The following LRBA variants were observed in gnomAD, a reference collection of about 807,000 sequenced individuals.
The protein encoded by LRBA is LPS responsive beige-like anchor protein, also known as lipopolysaccharide-responsive and beige-like anchor protein.
LRBA carries 176 observed loss-of-function variants against 330.0 expected under a neutral mutation model. That is an observed-to-expected ratio of 0.53 (90% confidence interval 0.47 to 0.60). The LOEUF is 0.60. Ranked by LOEUF, LRBA falls within the 20% of genes least tolerant of loss-of-function variation. LRBA has a pLI of 0.00. For missense variants in LRBA, 3,259 were observed against 3,444.8 expected, an observed-to-expected ratio of 0.95 and a Z score of 1.35; for synonymous variants, 1,230 against 1,193.0, an observed-to-expected ratio of 1.03 and a Z score of -0.64.
At chr4:150,520,311 T>C (rs184102555) in intron 40 of LRBA, among the ~76,000 whole-genome samples, 212 of 152,256 alleles carry the variant, frequency 1.4e-3, no homozygotes, top group African/African-American at 4.8e-3. Context: ...ATAGATAAAT[T>C]TGGGGAGAAA....
At chr4:150,906,265 G>T in intron 12 of LRBA, 32 bp downstream of exon 12, 1 of 1,349,290 alleles carries the variant, frequency 7.4e-7, no homozygotes, top group South Asian at 1.2e-5. Flanking sequence ...TGTAAATTAA[G>T]AATCAAAAAC....
chr4:150,531,604 T>C (rs1764062236), intron 40 of LRBA, among the ~76,000 whole-genome samples: 1 of 152,200 alleles, frequency 6.6e-6, no homozygotes, highest in African/African-American at 2.4e-5. Flanking sequence ...TAGAATAAAT[T>C]TTCTAGCATG....
intron 2 of LRBA, among the ~76,000 whole-genome samples, chr4:150,982,055 G>C (rs563811789): frequency 6.6e-6 from 1 of 150,930 alleles, no homozygotes; most frequent in Non-Finnish European, 1.5e-5. Context: ...TCTTACAATA[G>C]CATCTTATGG....
intron 2 of LRBA, among the ~76,000 whole-genome samples, chr4:150,999,910 G>T (rs1420394820): frequency 7.2e-5 from 11 of 151,734 alleles, no homozygotes; most frequent in Admixed American, 7.2e-4. Context: ...TGATCTACAG[G>T]GTATACATTG....
At chr4:151,012,230 C>A (rs965201519) in intron 2 of LRBA, among the ~76,000 whole-genome samples, 1 of 152,096 alleles carries the variant, frequency 6.6e-6, no homozygotes, top group Non-Finnish European at 1.5e-5. Flanking sequence ...AAAATCTATA[C>A]CAGGTCTACA....
At chr4:150,436,566 C>T (rs1751136303) in intron 45 of LRBA, among the ~76,000 whole-genome samples, 158 bp downstream of exon 45, 1 of 152,066 alleles carries the variant, frequency 6.6e-6, no homozygotes, top group Non-Finnish European at 1.5e-5. Flanking sequence ...TAAGGCAATA[C>T]AAGCCAAATG....
chr4:150,496,367 A>G (rs1434800004), intron 40 of LRBA, among the ~76,000 whole-genome samples: 1 of 152,134 alleles, frequency 6.6e-6, no homozygotes, highest in Non-Finnish European at 1.5e-5. Flanking sequence ...GAACAAAAAT[A>G]GAAACCAACA....
intron 37 of LRBA, among the ~76,000 whole-genome samples, chr4:150,658,509 CCCTCTCCCTCTCCCTCTCCCTCTCCCT>C (rs1780469949): frequency 3.2e-5 from 2 of 62,656 alleles, no homozygotes; most frequent in African/African-American, 1.9e-4. Flanking sequence ...ATAAAAGTCT[CCCTCTCCCTCTCCCTCTCCCTCTCCCT>C]CTCCCTCTCC....
At chr4:150,301,081 G>C (rs2126840741) in intron 53 of LRBA, among the ~76,000 whole-genome samples, 1 of 151,966 alleles carries the variant, frequency 6.6e-6, no homozygotes, top group South Asian at 2.1e-4. Context: ...TTAAATATAG[G>C]TTTGCCTGAG....
intron 51 of LRBA, chr4:150,311,183 A>G (rs2126882783): frequency 6.6e-6 from 1 of 152,284 alleles, no homozygotes; most frequent in South Asian, 2.1e-4. Context: ...CATTATCAGA[A>G]ACGGAATCTT....
chr4:151,007,460 G>A (rs1486303464), intron 2 of LRBA, among the ~76,000 whole-genome samples: 3 of 149,252 alleles, frequency 2.0e-5, no homozygotes, highest in Non-Finnish European at 4.4e-5. Flanking sequence ...AGCGGAGATC[G>A]CGCCACTGCA....
rs1265870283 is a variant in LRBA at position 150,639,761 on chromosome 4, ATATATATATATATATATATATG to A, written c.5922-40652_5922-40631del. On this transcript the variant is annotated intron_variant, in intron 37 of 56. Coordinates refer to ENST00000651943, the MANE Select transcript of LRBA (RefSeq NM_001364905.1). Reference sequence around the variant, plus strand: ...AATATATATATATATATATATATATATATATATATATATATATATATGTGTGTGTGTATATATATATATATGT... The same window carrying A: ...AATATATATATATATATATATATATATGTGTGTGTATATATATATATATGT... Among the ~76,000 whole-genome samples, 71 of 9,486 alleles carry A rather than the reference ATATATATATATATATATATATG, an allele frequency of 7.5e-3. 9 individuals carry two copies. The highest frequency in any genetic ancestry group is 0.04 in the African/African-American group (69 of 1,728). The allele number at this position is 9,486 out of a possible 152,430, so 6.2% of individuals were successfully genotyped here. A position where few individuals can be genotyped will look rare whatever the true frequency, so the allele number is the denominator to read the frequency against.
intron 48 of LRBA, among the ~76,000 whole-genome samples, chr4:150,327,727 T>G (rs1242014408): frequency 6.6e-6 from 1 of 152,202 alleles, no homozygotes; most frequent in African/African-American, 2.4e-5. Context: ...GCATATAAAG[T>G]GCTTAGCACA....
intron 31 of LRBA, 116 bp downstream of exon 31, chr4:150,817,008 A>G (rs1744694302): frequency 1.3e-6 from 1 of 797,454 alleles, no homozygotes; most frequent in Non-Finnish European, 2.1e-6. Flanking sequence ...AATCAACAGT[A>G]TAAAAGTACA....
chr4:150,306,852 G>A (rs1730420999), intron 52 of LRBA, among the ~76,000 whole-genome samples: 1 of 152,068 alleles, frequency 6.6e-6, no homozygotes, highest in East Asian at 1.9e-4. Context: ...AATTTAAAAA[G>A]CTAGGTCCAA....
At chr4:150,848,742 G>A (rs534618325) in intron 26 of LRBA, 76 bp downstream of exon 26, 50 of 1,115,188 alleles carry the variant, frequency 4.5e-5, no homozygotes, top group African/African-American at 3.0e-4. Flanking sequence ...AACAGAAGAC[G>A]GATAATTTTC....
chr4:150,281,681 C>T (rs1033566658), intron 55 of LRBA, among the ~76,000 whole-genome samples: 12 of 152,280 alleles, frequency 7.9e-5, no homozygotes, highest in African/African-American at 2.6e-4. Context: ...TCACATGCCC[C>T]GCCCTCCAGC....
chr4:150,622,798 G>A (rs937241296), intron 37 of LRBA, among the ~76,000 whole-genome samples: 2 of 149,070 alleles, frequency 1.3e-5, no homozygotes, highest in African/African-American at 2.5e-5. Flanking sequence ...CCTGGGTTCA[G>A]GCCATTCTCC....
chr4:150,431,465 T>C (rs1478232276), intron 46 of LRBA, among the ~76,000 whole-genome samples: 1 of 152,094 alleles, frequency 6.6e-6, no homozygotes, highest in African/African-American at 2.4e-5. Context: ...TAGCCACAAA[T>C]GGCTATTGAA....
Sources: allele counts gnomAD v4.1 joint callset (sites outside exome capture counted in the v4.1 genomes callset), GRCh38; gene constraint gnomAD v4.1.1; transcripts MANE v1.5; gene names NCBI Gene and HGNC (gene_info 2026-07-23, HGNC 2026-07-21).